LUZP2: variants seen among roughly 807,000 people sequenced by gnomAD.
LUZP2 encodes the protein leucine zipper protein 2.
In LUZP2, 52 loss-of-function variants were observed where a neutral mutation model predicts 51.6. The observed-to-expected ratio is 1.01, with a 90% confidence interval of 0.81 to 1.27. LUZP2 has a LOEUF of 1.27. Ranked by LOEUF, LUZP2 falls within the 50% of genes most tolerant of loss-of-function variation. LUZP2 has a pLI of 0.00. For missense variants in LUZP2, 436 were observed against 395.4 expected, an observed-to-expected ratio of 1.10 and a Z score of -0.87; for synonymous variants, 154 against 137.3, an observed-to-expected ratio of 1.12 and a Z score of -0.85.
intron 1 of LUZP2, among the ~76,000 whole-genome samples, chr11:24,606,803 CA>C (rs1312981881): frequency 2.6e-5 from 4 of 151,916 alleles, no homozygotes; most frequent in African/African-American, 9.7e-5. Flanking sequence ...ACCTACTTGC[CA>C]AAACTCATTA....
At chr11:25,042,916 A>G (rs1442010891) in intron 9 of LUZP2, among the ~76,000 whole-genome samples, 1 of 152,158 alleles carries the variant, frequency 6.6e-6, no homozygotes, top group African/African-American at 2.4e-5. Flanking sequence ...TGAAGCTATA[A>G]CCACCACGGT....
chr11:25,050,397 C>T (rs998190750), intron 10 of LUZP2, among the ~76,000 whole-genome samples: 2 of 149,660 alleles, frequency 1.3e-5, no homozygotes, highest in Admixed American at 6.7e-5. Flanking sequence ...CGCCGCCTCC[C>T]GGGTTCACGC....
At chr11:25,004,677 A>T (rs1021638923) in intron 9 of LUZP2, among the ~76,000 whole-genome samples, 1 of 152,162 alleles carries the variant, frequency 6.6e-6, no homozygotes, top group Non-Finnish European at 1.5e-5. Context: ...TCCCTGAATT[A>T]TGGTGGACAT....
chr11:24,572,686 C>T (rs192877857), intron 1 of LUZP2, among the ~76,000 whole-genome samples: 1 of 152,090 alleles, frequency 6.6e-6, no homozygotes, highest in Admixed American at 6.6e-5. Flanking sequence ...TGATGTCTCT[C>T]TGCATCAGGG....
chr11:24,797,783 G>A (rs1482319895), intron 5 of LUZP2, among the ~76,000 whole-genome samples: 3 of 152,138 alleles, frequency 2.0e-5, no homozygotes, highest in Non-Finnish European at 4.4e-5. Flanking sequence ...TAGTTTAGGA[G>A]TTCTATTTAT....
At chr11:25,004,434 T>A (rs1161447874) in intron 9 of LUZP2, among the ~76,000 whole-genome samples, 1 of 152,186 alleles carries the variant, frequency 6.6e-6, no homozygotes, top group Non-Finnish European at 1.5e-5. Flanking sequence ...TTTGGGTGTG[T>A]TCCTCTTGGT....
intron 9 of LUZP2, among the ~76,000 whole-genome samples, chr11:25,041,090 G>A (rs558499932): frequency 1.2e-4 from 19 of 152,104 alleles, no homozygotes; most frequent in African/African-American, 4.1e-4. Context: ...TAATACCATT[G>A]TTTATATTTT....
chr11:24,817,158 AAAT>A (rs1237348661), intron 5 of LUZP2, among the ~76,000 whole-genome samples: 1 of 152,026 alleles, frequency 6.6e-6, no homozygotes, highest in African/African-American at 2.4e-5. Flanking sequence ...TGTAAAATGG[AAAT>A]AATAATATAT....
At chr11:24,615,927 T>C (rs1213981691) in intron 1 of LUZP2, among the ~76,000 whole-genome samples, 1 of 151,716 alleles carries the variant, frequency 6.6e-6, no homozygotes, top group Non-Finnish European at 1.5e-5. Flanking sequence ...ATGAACATTT[T>C]GTCATGTGCT....
At chr11:24,782,882 T>C (rs1054293711) in intron 5 of LUZP2, among the ~76,000 whole-genome samples, 1 of 151,984 alleles carries the variant, frequency 6.6e-6, no homozygotes, top group African/African-American at 2.4e-5. Context: ...CTTTGCACAA[T>C]TCAGTAAATC....
chr11:24,743,058 A>G (rs566935843), intron 4 of LUZP2, among the ~76,000 whole-genome samples: 12 of 152,112 alleles, frequency 7.9e-5, no homozygotes, highest in African/African-American at 2.9e-4. Context: ...CTATATGCCT[A>G]TTTGTATACC....
At chr11:24,899,406 A>T (rs1853200056) in intron 5 of LUZP2, among the ~76,000 whole-genome samples, 1 of 152,016 alleles carries the variant, frequency 6.6e-6, no homozygotes, top group African/African-American at 2.4e-5. Context: ...AGACTCTAGA[A>T]AAACAAGAAG....
At chr11:25,005,740 T>C (rs1407618564) in intron 9 of LUZP2, among the ~76,000 whole-genome samples, 1 of 152,164 alleles carries the variant, frequency 6.6e-6, no homozygotes, top group Non-Finnish European at 1.5e-5. Flanking sequence ...CAAAGAGGAC[T>C]GAGGAAGGTC....
intron 5 of LUZP2, among the ~76,000 whole-genome samples, chr11:24,783,763 T>TCCC (rs1170652870): frequency 2.6e-5 from 4 of 151,996 alleles, no homozygotes; most frequent in Admixed American, 6.6e-5. Flanking sequence ...GCAATGCATT[T>TCCC]CTCTGTTGAG....
At chr11:24,857,011 T>C in intron 5 of LUZP2, among the ~76,000 whole-genome samples, 1 of 151,878 alleles carries the variant, frequency 6.6e-6, no homozygotes, top group East Asian at 1.9e-4. Flanking sequence ...CAGGTGATGG[T>C]TACACAAAAG....
At chr11:24,934,101 C>T (rs1216690743) in intron 7 of LUZP2, among the ~76,000 whole-genome samples, 1 of 152,136 alleles carries the variant, frequency 6.6e-6, no homozygotes, top group Admixed American at 6.5e-5. Context: ...ACAAAGTCAG[C>T]TGATCAGTTA....
At chr11:24,559,983 A>G (rs72874870) in intron 1 of LUZP2, among the ~76,000 whole-genome samples, 10,659 of 152,108 alleles carry the variant, frequency 0.07, 502 homozygotes, top group Middle Eastern at 0.11. Context: ...GGGGGGTGGC[A>G]GGATAGGGGA....
chr11:24,935,701 A>T (rs1854567697), intron 7 of LUZP2, among the ~76,000 whole-genome samples: 1 of 152,176 alleles, frequency 6.6e-6, no homozygotes. Flanking sequence ...AAAAAATAGT[A>T]ATTCACTAAT....
At chr11:25,016,896 G>A (rs1026955388) in intron 9 of LUZP2, among the ~76,000 whole-genome samples, 4 of 151,782 alleles carry the variant, frequency 2.6e-5, no homozygotes, top group Non-Finnish European at 5.9e-5. Flanking sequence ...CACCAGCAAT[G>A]TATAAGCATC....
Sources: allele counts gnomAD v4.1 joint callset (sites outside exome capture counted in the v4.1 genomes callset), GRCh38; gene constraint gnomAD v4.1.1; transcripts MANE v1.5; gene names NCBI Gene and HGNC (gene_info 2026-07-23, HGNC 2026-07-21).